The following EFCAB8 variants were observed in gnomAD, a reference collection of about 807,000 sequenced individuals.
The protein encoded by EFCAB8 is EF-hand calcium binding domain 8, also known as EF-hand calcium-binding domain-containing protein 8.
EFCAB8 carries 100 observed loss-of-function variants against 116.3 expected under a neutral mutation model. The ratio of observed to expected loss-of-function variants is 0.86; its 90% CI spans 0.73 to 1.02. The LOEUF is 1.02. EFCAB8 is among the 50% of genes least tolerant of loss of function. The probability of loss-of-function intolerance (pLI) is 0.00; values close to 1 mark genes in which losing one functional copy is unlikely to be tolerated. For missense variants in EFCAB8, 1,320 were observed against 1,416.9 expected (o/e 0.93, Z 1.10); for synonymous variants, 558 against 567.9 (o/e 0.98, Z 0.25).
At chr20:32,874,325 C>T (rs1008223778) in intron 3 of EFCAB8, among the ~76,000 whole-genome samples, 4 of 152,082 alleles carry the variant, frequency 2.6e-5, no homozygotes, top group Admixed American at 1.3e-4. Flanking sequence ...CGGGTTCAAG[C>T]CATCCTCCCA....
chr20:32,947,505 C>G (rs1399178685), intron 23 of EFCAB8, among the ~76,000 whole-genome samples: 3 of 152,156 alleles, frequency 2.0e-5, no homozygotes, highest in Non-Finnish European at 4.4e-5. Context: ...AGTATGTTCT[C>G]TGATCCCAAT....
chr20:32,920,081 C>A lies in EFCAB8; in HGVS notation c.2278C>A (p.Pro760Thr). 1 of 1,551,726 alleles carries A rather than the reference C, an allele frequency of 6.4e-7. No homozygotes were observed. Among genetic ancestry groups the A allele is most frequent in the Non-Finnish European group, 8.7e-7 (1 of 1,147,006 alleles). Residue 760 changes from proline to threonine, a missense_variant, in exon 20 of 27, where the codon CCT (proline) becomes ACT (threonine). Pro to Thr is a conservative substitution (Grantham distance 38). Coordinates refer to ENST00000400522, the MANE Select transcript of EFCAB8 (RefSeq NM_001143967.2). ...GGGTGCCCATCTTTCTTTCCAGAAA[C>A]CTTCCAGTGCTTCTGGCACATCCAG... ...EPDRPVPQQK[P>T]SSASGTSRQS...
intron 9 of EFCAB8, among the ~76,000 whole-genome samples, chr20:32,894,239 A>G (rs1986054024): frequency 1.3e-5 from 2 of 152,226 alleles, no homozygotes; most frequent in South Asian, 4.1e-4. Flanking sequence ...AGCCAGAGTT[A>G]CTAAGCAGGA....
chr20:32,892,359 C>T, intron 8 of EFCAB8, 62 bp downstream of exon 8: 2 of 1,496,506 alleles, frequency 1.3e-6, no homozygotes, highest in East Asian at 2.5e-5. Context: ...GCAGCAGCCG[C>T]ATCACTGACT....
intron 3 of EFCAB8, 147 bp downstream of exon 3, chr20:32,867,894 G>A: frequency 1.1e-6 from 1 of 920,208 alleles, no homozygotes; most frequent in Non-Finnish European, 1.6e-6. Flanking sequence ...AGTCTGGAGT[G>A]CAGTGGTGTG....
chr20:32,944,854 T>G (rs540874563), intron 23 of EFCAB8, among the ~76,000 whole-genome samples: 1 of 152,254 alleles, frequency 6.6e-6, no homozygotes, highest in African/African-American at 2.4e-5. Flanking sequence ...TTTTCCTTTT[T>G]AAGATTTGAA....
In EFCAB8 at chr20:32,959,979, G is replaced by A. The variant is rs1003176305; in HGVS notation, c.3291G>A (p.Lys1097=). The A allele has an allele frequency of 7.1e-6, 11 of 1,551,672 alleles. No homozygotes were observed. Among genetic ancestry groups the A allele is most frequent in the Non-Finnish European group, 9.6e-6 (11 of 1,146,972 alleles). ...GGAACAAGTGGGAGTCCAGGGACAAGCAGGTGAGGCTGGGAGGGGAGCACA... is the reference window on the plus strand; with the variant it reads ...GGAACAAGTGGGAGTCCAGGGACAAACAGGTGAGGCTGGGAGGGGAGCACA... ...DSWNKWESRD[K]QVSKVLGAAY... is the part of the protein sequence containing the mutation. Residue 1097 remains lysine, a synonymous_variant, in exon 25 of 27, where the codon AAG becomes AAA. Transcript: ENST00000400522.
intron 5 of EFCAB8, among the ~76,000 whole-genome samples, chr20:32,882,205 GAA>G (rs376863681): frequency 6.9e-6 from 1 of 144,368 alleles, no homozygotes; most frequent in Non-Finnish European, 1.5e-5. Flanking sequence ...GTCTCAAAAA[GAA>G]AAAAAAAAAC....
rs1372437235 is a variant in EFCAB8 at position 32,960,088 on chromosome 20, A to G, written c.3320A>G (p.Tyr1107Cys). 41 of 1,551,618 alleles carry G rather than the reference A, an allele frequency of 2.6e-5. No homozygotes were observed. Among genetic ancestry groups the G allele is most frequent in the Non-Finnish European group, 3.5e-5 (40 of 1,146,996 alleles). Residue 1107 changes from tyrosine to cysteine, a missense_variant, in exon 26 of 27, where the codon TAT (tyrosine) becomes TGT (cysteine). By Grantham distance (194) the Tyr-to-Cys change is radical (BLOSUM62 -2). Transcript: ENST00000400522. ...KQVSKVLGAA[Y>C]KPKERLQNTR... Reference sequence around the variant, plus strand: ...GTGAGCAAAGTCTTGGGAGCGGCGTATAAGCCCAAGGAACGCTTGCAGAAT... The same window carrying G: ...GTGAGCAAAGTCTTGGGAGCGGCGTGTAAGCCCAAGGAACGCTTGCAGAAT...
intron 9 of EFCAB8, 39 bp downstream of exon 9, chr20:32,893,337 A>AG (rs1986008937): frequency 6.4e-7 from 1 of 1,550,516 alleles, no homozygotes; most frequent in African/African-American, 1.4e-5. Context: ...AGGCCTGGGC[A>AG]TGGCCTAGAT....
chr20:32,882,686 G>A (rs186004098), intron 5 of EFCAB8, among the ~76,000 whole-genome samples: 293 of 149,646 alleles, frequency 2.0e-3, no homozygotes, highest in African/African-American at 6.7e-3. Flanking sequence ...ACGCCTGGCC[G>A]ATTTTTTGTT....
At chr20:32,935,563 A>G (rs941715024) in intron 22 of EFCAB8, among the ~76,000 whole-genome samples, 1 of 147,008 alleles carries the variant, frequency 6.8e-6, no homozygotes, top group Non-Finnish European at 1.5e-5. Flanking sequence ...CTGGAGTGCA[A>G]TGGCGCAATT....
rs1462205187 is a variant in EFCAB8 at position 32,959,819 on chromosome 20, G to A, written c.3131G>A (p.Arg1044Gln). 10 of 1,533,076 alleles carry A rather than the reference G, an allele frequency of 6.5e-6. 1 individual carries two copies. The South Asian group carries it at 7.4e-5, about 11-fold the overall frequency. The allele number at this position is 1,533,076 out of a possible 1,614,324, so 95.0% of individuals were successfully genotyped here. ...DLAEALIYQR[R>Q]EQAALMALLH... is the part of the protein sequence containing the mutation. ...GCTGAGGCCCTGATATACCAGCGGC[G>A]AGAGCAGGCGGCGCTGATGGCTCTC... The change falls in exon 25 of 27, where the codon CGA (arginine) becomes CAA (glutamine). Residue 1044 changes from arginine (R) to glutamine (Q), a missense_variant. Coordinates refer to ENST00000400522, the MANE Select transcript of EFCAB8 (RefSeq NM_001143967.2).
rs534196762 is a variant in EFCAB8 at position 32,904,965 on chromosome 20, G to A, written c.1089-1597G>A. ...GAAGAGTGTAGTAGAAGGAGCTGGC[G>A]GGGCAGGATGTTGTGGATGAGAGGC... On this transcript the variant is annotated intron_variant, in intron 11 of 26. Coordinates refer to ENST00000400522, the MANE Select transcript of EFCAB8 (RefSeq NM_001143967.2). Among the ~76,000 whole-genome samples the A allele has an allele frequency of 6.6e-5, 10 of 152,216 alleles. No individual in the cohort carries two copies. The South Asian group carries it at 1.9e-3, about 28-fold the overall frequency.
chr20:32,892,751 GTGT>G (rs1160036637), intron 8 of EFCAB8, among the ~76,000 whole-genome samples: 1 of 152,166 alleles, frequency 6.6e-6, no homozygotes, highest in Admixed American at 6.5e-5. Context: ...AGGCCGGAAA[GTGT>G]TGTTGGAACT....
At chr20:32,864,645 G>C (rs1036465077) in intron 2 of EFCAB8, among the ~76,000 whole-genome samples, 2 of 152,124 alleles carry the variant, frequency 1.3e-5, no homozygotes, top group African/African-American at 4.8e-5. Flanking sequence ...CTGATGTACG[G>C]TCTGTACGTG....
intron 23 of EFCAB8, among the ~76,000 whole-genome samples, chr20:32,952,996 C>T (rs1250808147): frequency 6.6e-6 from 1 of 152,160 alleles, no homozygotes; most frequent in Non-Finnish European, 1.5e-5. Context: ...CCTCCAGCCC[C>T]TGGTAACCAT....
At chr20:32,887,783 C>A (rs1985707345) in intron 6 of EFCAB8, among the ~76,000 whole-genome samples, 1 of 152,240 alleles carries the variant, frequency 6.6e-6, no homozygotes, top group African/African-American at 2.4e-5. Context: ...GTGCAGGATG[C>A]ACCAGTGCTG....
At chr20:32,958,334 G>T in intron 23 of EFCAB8, 87 bp from the exon 24 acceptor site, 1 of 411,768 alleles carries the variant, frequency 2.4e-6, no homozygotes, top group South Asian at 1.4e-4. Flanking sequence ...GCTGCTAGCT[G>T]ACCCTTGAAG....
Sources: gnomAD v4.1 joint callset for allele counts (sites outside exome capture counted in the v4.1 genomes callset) on GRCh38, gnomAD v4.1.1 for gene constraint, MANE v1.5 for transcripts, NCBI Gene and HGNC (gene_info 2026-07-23, HGNC 2026-07-21) for gene names.